The following SPATA1 variants were observed in gnomAD, a reference collection of about 807,000 sequenced individuals.
SPATA1 encodes the protein spermatogenesis associated 1, also known as spermatogenesis-associated protein 1.
Under a neutral mutation model 59.6 loss-of-function variants are expected in SPATA1, and 57 were observed. That is an observed-to-expected ratio of 0.96 (90% confidence interval 0.77 to 1.19). SPATA1 has a LOEUF of 1.19. Ranked by LOEUF, SPATA1 falls within the 50% of genes most tolerant of loss-of-function variation. SPATA1 has a pLI of 0.00. For missense variants in SPATA1, 448 were observed against 480.7 expected (o/e 0.93, Z 0.64); for synonymous variants, 147 against 163.9 (o/e 0.90, Z 0.79).
chr1:84,516,429 A>G, intron 2 of SPATA1, 34 bp downstream of exon 2: 1 of 1,251,798 alleles, frequency 8.0e-7, no homozygotes, highest in Non-Finnish European at 1.1e-6. Flanking sequence ...AATATAAGAA[A>G]GACCTGCTTA....
downstream of SPATA1, among the ~76,000 whole-genome samples, chr1:84,557,933 G>A (rs553070722): frequency 3.0e-4 from 45 of 151,740 alleles, no homozygotes; most frequent in Non-Finnish European, 5.6e-4. Context: ...CCTTCAATGC[G>A]CACCAAAATG....
At chr1:84,543,712 A>G (rs763519179) in intron 8 of SPATA1, among the ~76,000 whole-genome samples, 2 of 152,212 alleles carry the variant, frequency 1.3e-5, no homozygotes, top group Non-Finnish European at 2.9e-5. Context: ...CATATCAGGT[A>G]GAAACACAAA....
chr1:84,528,663 T>C (rs1256832589), intron 6 of SPATA1, among the ~76,000 whole-genome samples: 1 of 152,206 alleles, frequency 6.6e-6, no homozygotes, highest in East Asian at 1.9e-4. Flanking sequence ...CTATTACAAA[T>C]ATCCTGTTAT....
At chr1:84,526,867 CAAAAAAAAAAAA>C (rs761804155) in intron 6 of SPATA1, among the ~76,000 whole-genome samples, 28 of 60,580 alleles carry the variant, frequency 4.6e-4, no homozygotes, top group Admixed American at 4.2e-3. Context: ...GACTTTGTCT[CAAAAAAAAAAAA>C]AAAAAAAAAG....
chr1:84,525,770 A>C (rs771461496), intron 5 of SPATA1, 21 bp downstream of exon 5: 3 of 1,604,302 alleles, frequency 1.9e-6, no homozygotes, highest in Non-Finnish European at 2.5e-6. Context: ...TGACATTTTA[A>C]ACTTATGCTA....
chr1:84,548,985 CT>C (rs1185842142), intron 11 of SPATA1, 21 bp downstream of exon 11: 17 of 1,526,310 alleles, frequency 1.1e-5, no homozygotes, highest in Non-Finnish European at 1.5e-5. Flanking sequence ...ATGTATCCCC[CT>C]TCCGTTAGAG....
chr1:84,557,258 C>A (rs1445448690), downstream of SPATA1, among the ~76,000 whole-genome samples: 1 of 152,088 alleles, frequency 6.6e-6, no homozygotes, highest in East Asian at 1.9e-4. Context: ...GGGGGCCAGG[C>A]GCGATGGCTT....
intron 1 of SPATA1, among the ~76,000 whole-genome samples, chr1:84,513,040 T>A (rs1227696818): frequency 1.0e-5 from 1 of 99,388 alleles, no homozygotes; most frequent in Non-Finnish European, 1.9e-5. Flanking sequence ...AAATCCCACA[T>A]GTTATATGTT....
At chr1:84,546,457 CA>C (rs10618711) in intron 10 of SPATA1, among the ~76,000 whole-genome samples, 1,024 of 81,994 alleles carry the variant, frequency 0.012, 6 homozygotes, top group African/African-American at 0.032. Context: ...GACTCTGCCT[CA>C]AAAAAAAAAA....
At chr1:84,543,728 G>A (rs1218021485) in intron 8 of SPATA1, among the ~76,000 whole-genome samples, 1 of 151,976 alleles carries the variant, frequency 6.6e-6, no homozygotes, top group Non-Finnish European at 1.5e-5. Flanking sequence ...ACAAAAATTA[G>A]GAAAGATGAA....
At chr1:84,521,035 C>T (rs1397529944) in intron 3 of SPATA1, among the ~76,000 whole-genome samples, 2 of 151,804 alleles carry the variant, frequency 1.3e-5, no homozygotes, top group African/African-American at 4.8e-5. Context: ...TCTTTGAGGC[C>T]CAGAAGTCAA....
chr1:84,530,273 G>C (rs1334814133), intron 6 of SPATA1, among the ~76,000 whole-genome samples: 2 of 152,160 alleles, frequency 1.3e-5, no homozygotes, highest in Admixed American at 6.5e-5. Flanking sequence ...TCTCCAGAAG[G>C]CCTCCTTCTC....
intron 4 of SPATA1, chr1:84,563,378 G>A: frequency 6.3e-7 from 1 of 1,580,132 alleles, no homozygotes; most frequent in Non-Finnish European, 8.6e-7. Flanking sequence ...ACTACAAGGA[G>A]CCCCCCGGAA....
chr1:84,561,483 G>A (rs985226960), intron 4 of SPATA1, among the ~76,000 whole-genome samples: 28 of 152,192 alleles, frequency 1.8e-4, no homozygotes, highest in African/African-American at 6.5e-4. Flanking sequence ...AACAGCAAAG[G>A]ATTTAGAATA....
chr1:84,507,210 C>A (rs1317705065), intron 1 of SPATA1: 2 of 152,080 alleles, frequency 1.3e-5, no homozygotes, highest in Non-Finnish European at 2.9e-5. Flanking sequence ...TCTCCGAATG[C>A]GCTGATGTTT....
At chr1:84,561,273 G>T (rs1684589637) in intron 4 of SPATA1, among the ~76,000 whole-genome samples, 1 of 152,214 alleles carries the variant, frequency 6.6e-6, no homozygotes, top group Admixed American at 6.5e-5. Context: ...CAAGACTTCA[G>T]TGAAGGAAGT....
At position 84,520,703 on chromosome 1, in the gene SPATA1, G is replaced by A. The variant is rs1193743015; in HGVS notation, c.143+12G>A. The stretch of plus-strand genomic sequence containing the variant: ...GCTGGATTTCTAAGGCAAGTGTTGT[G>A]TAGTCATGTAACAATATGCCTGAAA... On this transcript the variant is annotated intron_variant, in intron 3 of 12. Coordinates refer to ENST00000490879, the Ensembl canonical transcript of SPATA1. The A allele has an allele frequency of 3.4e-6, 5 of 1,489,068 alleles. No individual in the cohort carries two copies. The highest frequency in any genetic ancestry group is 2.7e-6 in the Non-Finnish European group (3 of 1,100,218). 92.2% of individuals were successfully genotyped at this position (1,489,068 alleles called of 1,614,324 possible).
chr1:84,563,635 A>G, intron 4 of SPATA1: 1 of 752,964 alleles, frequency 1.3e-6, no homozygotes. Context: ...CTCAAACTAT[A>G]TTTCAGAGAT....
At chr1:84,532,839 G>A (rs1425204940) in intron 6 of SPATA1, 21 bp from the exon 7 acceptor site, 2 of 1,480,162 alleles carry the variant, frequency 1.4e-6, no homozygotes, top group Admixed American at 2.0e-5. Context: ...TTTATTTGCT[G>A]TGGATGACCA....
Sources: gnomAD v4.1 joint callset for allele counts (sites outside exome capture counted in the v4.1 genomes callset) on GRCh38, gnomAD v4.1.1 for gene constraint, MANE v1.5 for transcripts, NCBI Gene and HGNC (gene_info 2026-07-23, HGNC 2026-07-21) for gene names.